SEL1L2: variants seen among roughly 807,000 people sequenced by gnomAD.
SEL1L2 encodes protein sel-1 homolog 2.
In SEL1L2, 89 loss-of-function variants were observed where a neutral mutation model predicts 98.8. That is an observed-to-expected ratio of 0.90 (90% CI 0.76 to 1.07). SEL1L2 has a LOEUF of 1.07. SEL1L2 is among the 50% of genes least tolerant of loss of function. The probability of loss-of-function intolerance (pLI) is 0.00; values close to 1 mark genes in which losing one functional copy is unlikely to be tolerated. For synonymous variants in SEL1L2, 262 were observed against 278.5 expected (o/e 0.94, Z 0.59); for missense variants, 788 against 812.0 (o/e 0.97, Z 0.36).
chr20:13,942,204 C>T (rs58749365), intron 2 of SEL1L2, among the ~76,000 whole-genome samples: 5,924 of 152,226 alleles, frequency 0.039, 330 homozygotes, highest in East Asian at 0.2. Context: ...AGGCTGCTGC[C>T]ATTGGTTTCA....
At chr20:13,972,512 G>T (rs1172210291) in intron 1 of SEL1L2, among the ~76,000 whole-genome samples, 1 of 152,146 alleles carries the variant, frequency 6.6e-6, no homozygotes, top group Non-Finnish European at 1.5e-5. Context: ...CTGACTTCCA[G>T]TCTTCTCTTG....
chr20:13,866,899 A>G lies in SEL1L2; in HGVS notation c.1256-49T>C, dbSNP rs769357716. The G allele has an allele frequency of 5.2e-6, 8 of 1,527,740 alleles. No homozygotes were observed. The Admixed American group carries it at 1.0e-4, about 20-fold the overall frequency. The allele number at this position is 1,527,740 out of a possible 1,614,324, so 94.6% of individuals were successfully genotyped here. A position where few individuals can be genotyped will look rare whatever the true frequency, so the allele number is the denominator to read the frequency against. On this transcript the variant is annotated intron_variant, in intron 14 of 19. Transcript: ENST00000284951. ...CCACCCCTTATTGACTTTATTTTTT[A>G]TATTATAATCTATGGATATAATAGT...
At chr20:13,889,609 G>C (rs1183066921) in intron 5 of SEL1L2, among the ~76,000 whole-genome samples, 2 of 152,060 alleles carry the variant, frequency 1.3e-5, no homozygotes, top group East Asian at 3.9e-4. Context: ...GGCTAACACA[G>C]TGAAACCCTG....
chr20:13,869,721 C>T (rs1465471627), intron 13 of SEL1L2, 131 bp from the exon 14 acceptor site: 6 of 608,810 alleles, frequency 9.9e-6, no homozygotes, highest in African/African-American at 9.2e-5. Context: ...GTATCAGAAA[C>T]ATTATATATT....
At chr20:13,876,523 A>G (rs533811041) in intron 11 of SEL1L2, among the ~76,000 whole-genome samples, 1 of 151,546 alleles carries the variant, frequency 6.6e-6, no homozygotes, top group South Asian at 2.1e-4. Flanking sequence ...GGTGGCACAC[A>G]GGGGAGTGAA....
chr20:13,931,733 T>C lies in SEL1L2; in HGVS notation c.153A>G (p.Ile51Met). The change falls in exon 3 of 20, where the codon ATA becomes ATG. Residue 51 changes from isoleucine to methionine, a missense_variant. Coordinates refer to ENST00000284951, the MANE Select transcript of SEL1L2 (RefSeq NM_025229.2). ...CATTACTAGATGTTCTTTGTTCCAA[T>C]ATGTGTGATAAATATTGTTTGATTT... The part of the protein sequence containing the change: ...VNEIKQYLSH[I>M]LEQRTSSNVI... 6.4e-7 allele frequency: 1 copy of C among 1,560,866 alleles called. No homozygotes were observed. Among genetic ancestry groups the C allele is most frequent in the Non-Finnish European group, 8.6e-7 (1 of 1,158,122 alleles).
intron 1 of SEL1L2, among the ~76,000 whole-genome samples, chr20:13,983,046 A>AAAAAAAAAAAAAAAAAAAAAC (rs2051933722): frequency 1.4e-5 from 2 of 145,524 alleles, no homozygotes; most frequent in Non-Finnish European, 1.5e-5. Flanking sequence ...AAAAAAAAAA[A>AAAAAAAAAAAAAAAAAAAAAC]AAGCAGCAGC....
intron 18 of SEL1L2, among the ~76,000 whole-genome samples, chr20:13,853,311 A>T (rs1225944151): frequency 6.6e-6 from 1 of 151,352 alleles, no homozygotes; most frequent in East Asian, 1.9e-4. Context: ...CGATCCTCCC[A>T]TCTGGGCTTC....
At chr20:13,971,993 G>C (rs969084248) in intron 1 of SEL1L2, among the ~76,000 whole-genome samples, 1 of 151,880 alleles carries the variant, frequency 6.6e-6, no homozygotes, top group Non-Finnish European at 1.5e-5. Flanking sequence ...TCTAATTACT[G>C]TATATTTATA....
chr20:13,994,614 G>C (rs532215666), upstream of SEL1L2, among the ~76,000 whole-genome samples: 120 of 152,132 alleles, frequency 7.9e-4, no homozygotes, highest in African/African-American at 2.7e-3. Flanking sequence ...CTAAATTATA[G>C]GTCACCCTAC....
intron 12 of SEL1L2, 145 bp from the exon 13 acceptor site, chr20:13,870,348 C>A (rs2046126419): frequency 1.7e-6 from 1 of 594,648 alleles, no homozygotes; most frequent in Non-Finnish European, 3.0e-6. Context: ...CACTCTAGTT[C>A]CTCCTTTTAT....
intron 2 of SEL1L2, 103 bp from the exon 3 acceptor site, chr20:13,931,874 C>G: frequency 1.1e-6 from 1 of 931,000 alleles, no homozygotes; most frequent in Non-Finnish European, 1.5e-6. Flanking sequence ...AAAATACAAG[C>G]TTAATGCAAT....
At chr20:13,969,108 A>G (rs1446028666) in intron 1 of SEL1L2, among the ~76,000 whole-genome samples, 2 of 152,202 alleles carry the variant, frequency 1.3e-5, no homozygotes, top group Admixed American at 1.3e-4. Context: ...GTTTCCACTT[A>G]GGGTTGTGAT....
intron 5 of SEL1L2, among the ~76,000 whole-genome samples, chr20:13,911,124 C>A (rs954956585): frequency 3.3e-5 from 5 of 152,242 alleles, no homozygotes; most frequent in Admixed American, 6.5e-5. Flanking sequence ...CTAGGCAGAA[C>A]TAGCCAGACC....
chr20:13,875,484 C>T (rs1230127563), intron 12 of SEL1L2, among the ~76,000 whole-genome samples: 1 of 152,202 alleles, frequency 6.6e-6, no homozygotes, highest in Non-Finnish European at 1.5e-5. Flanking sequence ...CTTGTTCACA[C>T]AGCTAGTCAG....
chr20:13,971,786 G>A (rs541654118), intron 1 of SEL1L2, among the ~76,000 whole-genome samples: 4 of 152,158 alleles, frequency 2.6e-5, no homozygotes, highest in South Asian at 2.1e-4. Flanking sequence ...CGTATGAAGT[G>A]GGATCTACCA....
intron 16 of SEL1L2, 35 bp downstream of exon 16, chr20:13,865,314 A>T (rs529164391): frequency 1.7e-5 from 27 of 1,611,632 alleles, no homozygotes; most frequent in Non-Finnish European, 2.3e-5. Context: ...CATATGTATG[A>T]TTGGGGGATT....
intron 5 of SEL1L2, among the ~76,000 whole-genome samples, chr20:13,912,162 T>C (rs2048229908): frequency 6.6e-6 from 1 of 152,122 alleles, no homozygotes; most frequent in South Asian, 2.1e-4. Flanking sequence ...GGTTGCCCCA[T>C]CTACAAGGGG....
intron 5 of SEL1L2, among the ~76,000 whole-genome samples, chr20:13,900,379 A>C (rs998575872): frequency 2.0e-5 from 3 of 152,084 alleles, no homozygotes; most frequent in African/African-American, 7.3e-5. Context: ...AAATTGTGAT[A>C]GACTGGTCAT....
Sources: gnomAD v4.1 joint callset for allele counts (sites outside exome capture counted in the v4.1 genomes callset) on GRCh38, gnomAD v4.1.1 for gene constraint, MANE v1.5 for transcripts, NCBI Gene and HGNC (gene_info 2026-07-23, HGNC 2026-07-21) for gene names.